ZFYVE16: variants seen among roughly 807,000 people sequenced by gnomAD.
ZFYVE16 encodes zinc finger FYVE domain-containing protein 16.
Under a neutral mutation model 138.1 loss-of-function variants are expected in ZFYVE16, and 89 were observed. The ratio of observed to expected loss-of-function variants is 0.64; its 90% CI spans 0.54 to 0.77. The LOEUF (loss-of-function observed/expected upper bound fraction) is 0.77, where lower values mean the gene tolerates loss of function less well. Ranked by LOEUF, ZFYVE16 falls within the 30% of genes least tolerant of loss-of-function variation. The pLI, the probability that ZFYVE16 is intolerant of heterozygous loss-of-function variation, is 0.00. For synonymous variants in ZFYVE16, 596 were observed against 618.3 expected, an observed-to-expected ratio of 0.96 and a Z score of 0.53; for missense variants, 1,793 against 1,786.7, an observed-to-expected ratio of 1.00 and a Z score of -0.06.
Position 80,479,585 on chromosome 5 carries a change from T to C in ZFYVE16, c.*2208T>C, listed in dbSNP as rs1232004382. ...GAGCAAAGATTCAATTGTGGGAAAC[T>C]ACTTGTTTCTGAAAATTGCATGCTA... On this transcript the variant is annotated 3_prime_UTR_variant, in exon 19 of 19. Coordinates refer to ENST00000505560, the MANE Select transcript of ZFYVE16 (RefSeq NM_001284236.3). 6.6e-6 allele frequency among the ~76,000 whole-genome samples: 1 copy of C among 152,204 alleles called. No homozygotes were observed. Among genetic ancestry groups the C allele is most frequent in the East Asian group, 1.9e-4 (1 of 5,198 alleles).
chr5:80,449,523 T>C, intron 8 of ZFYVE16, 68 bp from the exon 9 acceptor site: 2 of 1,513,998 alleles, frequency 1.3e-6, no homozygotes, highest in Non-Finnish European at 8.9e-7. Flanking sequence ...TATAAATTTG[T>C]TTTTTTCATT....
At position 80,437,063 on chromosome 5, in the gene ZFYVE16, C is replaced by G; in HGVS notation, c.378C>G (p.Ile126Met). The G allele has an allele frequency of 2.5e-6, 4 of 1,614,162 alleles. No homozygotes were observed. The highest frequency in any genetic ancestry group is 3.4e-6 in the Non-Finnish European group (4 of 1,180,020). The change falls in exon 4 of 19, where the codon ATC becomes ATG. Residue 126 changes from isoleucine (I) to methionine (M), a missense_variant. Coordinates refer to ENST00000505560, the MANE Select transcript of ZFYVE16 (RefSeq NM_001284236.3). Reference protein sequence around the residue: ...PLYMGRCSKPICDLISDMGNL... With the variant: ...PLYMGRCSKPMCDLISDMGNL... ...ATATGGGACGATGTAGTAAACCTAT[C>G]TGTGATCTGATAAGTGACATGGGTA...
intron 15 of ZFYVE16, among the ~76,000 whole-genome samples, chr5:80,466,181 C>T (rs1018872055): frequency 4.6e-5 from 7 of 152,162 alleles, no homozygotes; most frequent in Admixed American, 4.6e-4. Context: ...CTGCCTCAAC[C>T]TCCCAAAGTG....
chr5:80,443,694 A>G, intron 6 of ZFYVE16: 1 of 456,960 alleles, frequency 2.2e-6, no homozygotes, highest in South Asian at 1.5e-5. Flanking sequence ...TCATGAGTCT[A>G]GCAGCTGTAT....
chr5:80,455,657 G>C (rs1161427068), intron 11 of ZFYVE16, 35 bp from the exon 12 acceptor site: 1 of 1,545,168 alleles, frequency 6.5e-7, no homozygotes, highest in Non-Finnish European at 8.9e-7. Flanking sequence ...GGTTTTTTTT[G>C]TTGATAGTAA....
chr5:80,433,846 CT>C (rs1438472852), intron 2 of ZFYVE16, among the ~76,000 whole-genome samples: 12 of 152,044 alleles, frequency 7.9e-5, no homozygotes, highest in Non-Finnish European at 1.5e-4. Flanking sequence ...ATGAATTCTT[CT>C]TTGACCCATG....
chr5:80,418,937 A>G (rs1746660408), intron 1 of ZFYVE16, among the ~76,000 whole-genome samples: 1 of 152,158 alleles, frequency 6.6e-6, no homozygotes, highest in Non-Finnish European at 1.5e-5. Flanking sequence ...GTTTTTATAT[A>G]AGGTGTAATG....
chr5:80,408,697 G>T (rs1260340988), intron 1 of ZFYVE16, among the ~76,000 whole-genome samples: 1 of 152,196 alleles, frequency 6.6e-6, no homozygotes, highest in African/African-American at 2.4e-5. Context: ...CTTTCCTTTG[G>T]TACTTTTGAG....
rs1270644219 is a variant in ZFYVE16 at position 80,440,296 on chromosome 5, C to T, written c.2419+264C>T. 7 of 1,091,130 alleles carry T rather than the reference C, an allele frequency of 6.4e-6. No homozygotes were observed. In the African/African-American group the frequency reaches 9.9e-5, roughly 15 times the overall value. 67.6% of individuals were successfully genotyped at this position (1,091,130 alleles called of 1,614,324 possible). ...ACAGGTACCAAGTCCCTAAATGCTGCATTTCATCTGCCTATTTGTTTTTGT... is the reference window on the plus strand; with the variant it reads ...ACAGGTACCAAGTCCCTAAATGCTGTATTTCATCTGCCTATTTGTTTTTGT... On this transcript the variant is annotated intron_variant, in intron 5 of 18. Transcript: ENST00000505560.
chr5:80,465,396 C>CTTTTTTTTTTTTTTTTTTT (rs1187412933), intron 15 of ZFYVE16, among the ~76,000 whole-genome samples: 12 of 26,392 alleles, frequency 4.5e-4, no homozygotes, highest in Admixed American at 5.7e-4. Context: ...TTTTCCTTTT[C>CTTTTTTTTTTTTTTTTTTT]TTTGTTTTTT....
At chr5:80,439,134 C>A in intron 4 of ZFYVE16, 127 bp downstream of exon 4, 1 of 1,015,350 alleles carries the variant, frequency 9.8e-7, no homozygotes, top group Non-Finnish European at 1.4e-6. Flanking sequence ...TGTTTTTCAT[C>A]TACCAGTCAG....
At position 80,478,343 on chromosome 5, in the gene ZFYVE16, A is replaced by T. The variant is rs1000189455; in HGVS notation, c.*966A>T. On this transcript the variant is annotated 3_prime_UTR_variant, in exon 19 of 19. Transcript: ENST00000505560. ...TTTCTTGGCAACTTCGCATATTTTC[A>T]TTGACACCAGTGTATAAGTATAAAT... 6.6e-6 allele frequency: 1 copy of T among 152,010 alleles called. No individual in the cohort carries two copies. The highest frequency in any genetic ancestry group is 1.5e-5 in the Non-Finnish European group (1 of 67,940). 9.4% of individuals were successfully genotyped at this position (152,010 alleles called of 1,614,324 possible). A position where few individuals can be genotyped will look rare whatever the true frequency, so the allele number is the denominator to read the frequency against.
chr5:80,438,457 G>T lies in ZFYVE16; in HGVS notation c.1772G>T (p.Gly591Val). The T allele has an allele frequency of 6.2e-7, 1 of 1,613,716 alleles. No individual in the cohort carries two copies. Among genetic ancestry groups the T allele is most frequent in the South Asian group, 1.1e-5 (1 of 91,058 alleles). Residue 591 changes from glycine to valine, a missense_variant, in exon 4 of 19, where the codon GGT becomes GTT. Physicochemically the swap from Gly to Val is moderately radical, Grantham distance 109. Around this residue, in one of 2 missense-constraint regions of ZFYVE16, gnomAD observed 1,295 missense variants for 1,204.3 expected, o/e 1.08. Transcript: ENST00000505560. ...AEAGAIGESH[G>V]INIICEIVDK... ...GCAGGAGCTATTGGGGAAAGTCATG[G>T]TATTAATATAATTTGTGAAATAGTT...
rs1026951067 is a variant in ZFYVE16, at chr5:80,478,705, A to G, written c.*1328A>G. The G allele has an allele frequency of 1.3e-5, 2 of 152,094 alleles. No homozygotes were observed. The highest frequency in any genetic ancestry group is 4.8e-5 in the African/African-American group (2 of 41,420). The allele number at this position is 152,094 out of a possible 1,614,324, so 9.4% of individuals were successfully genotyped here. A position where few individuals can be genotyped will look rare whatever the true frequency, so the allele number is the denominator to read the frequency against. The stretch of plus-strand genomic sequence containing the variant: ...GCATCTCAACTTGAAGATCAAGTCA[A>G]AGTTATAACTCAGGATCTGAGGTCT... On this transcript the variant is annotated 3_prime_UTR_variant, in exon 19 of 19. Transcript: ENST00000505560.
chr5:80,458,171 A>G (rs1325456762), intron 14 of ZFYVE16, among the ~76,000 whole-genome samples: 2 of 151,954 alleles, frequency 1.3e-5, no homozygotes, highest in African/African-American at 2.4e-5. Context: ...ACACTTTTAT[A>G]TTATACTTTA....
intron 6 of ZFYVE16, chr5:80,443,691 T>G (rs889652294): frequency 2.2e-6 from 1 of 456,802 alleles, no homozygotes; most frequent in African/African-American, 2.0e-5. Context: ...AAATCATGAG[T>G]CTAGCAGCTG....
rs891358547 is a variant in ZFYVE16 at position 80,478,515 on chromosome 5, G to T, written c.*1138G>T. ...ACTTCAAACAGCAAAAAAGTGGGGG[G>T]CATATTGTAGTCCTGTCATTTAAGT... On this transcript the variant is annotated 3_prime_UTR_variant, in exon 19 of 19. Transcript: ENST00000505560. The T allele has an allele frequency of 4.0e-5, 6 of 151,774 alleles. No individual in the cohort carries two copies. The highest frequency in any genetic ancestry group is 1.5e-4 in the African/African-American group (6 of 41,328). The allele number at this position is 151,774 out of a possible 1,614,324, so 9.4% of individuals were successfully genotyped here.
chr5:80,441,498 A>G, intron 5 of ZFYVE16: 1 of 985,426 alleles, frequency 1.0e-6, no homozygotes, highest in Non-Finnish European at 1.2e-6. Flanking sequence ...ATAAAAGTTA[A>G]TACCAGCTTT....
intron 15 of ZFYVE16, among the ~76,000 whole-genome samples, chr5:80,460,794 A>AT (rs1753020284): frequency 6.6e-6 from 1 of 152,172 alleles, no homozygotes; most frequent in African/African-American, 2.4e-5. Context: ...ATTCCATACT[A>AT]TTTTATTATC....
Sources: allele counts gnomAD v4.1 joint callset (sites outside exome capture counted in the v4.1 genomes callset), GRCh38; gene constraint gnomAD v4.1.1; regional missense constraint gnomAD v4.1.1; transcripts MANE v1.5; gene names NCBI Gene and HGNC (gene_info 2026-07-23, HGNC 2026-07-21).